The following RBFOX2 variants were observed in gnomAD, a reference collection of about 807,000 sequenced individuals.
RBFOX2 encodes the protein RNA binding protein fox-1 homolog 2.
RBFOX2 carries 10 observed loss-of-function variants against 49.1 expected under a neutral mutation model. The observed-to-expected ratio is 0.20, with a 90% CI of 0.13 to 0.35. The LOEUF (loss-of-function observed/expected upper bound fraction) is 0.35. RBFOX2 is among the 10% of genes least tolerant of loss of function. RBFOX2 has a pLI of 1.00. For synonymous variants in RBFOX2, 183 were observed against 187.4 expected, an observed-to-expected ratio of 0.98 and a Z score of 0.19; for missense variants, 323 against 486.9, an observed-to-expected ratio of 0.66 and a Z score of 3.17.
Position 35,779,181 on chromosome 22 carries a change from G to A in RBFOX2, c.400-1103C>T, listed in dbSNP as rs558335249. Among the ~76,000 whole-genome samples, 6 of 152,288 alleles carry A rather than the reference G, an allele frequency of 3.9e-5. No homozygotes were observed. The East Asian group carries it at 7.7e-4, about 20-fold the overall frequency. On this transcript the variant is annotated intron_variant, in intron 3 of 11. Transcript: ENST00000405409. ...TTACACAAAACACAATGATTATTTA[G>A]GGGGAAAGTATATATAAAAAGAGAC...
rs568679070 is a variant in RBFOX2 at position 35,815,644 on chromosome 22, C to T, written c.28-5640G>A. Among the ~76,000 whole-genome samples, 6 of 152,270 alleles carry T rather than the reference C, an allele frequency of 3.9e-5. No homozygotes were observed. The South Asian group carries it at 1.2e-3, about 32-fold the overall frequency. ...GGTCAGAATGGATCATGCACACAAA[C>T]AGATCAATATTAATTTTATTCACAC... On this transcript the variant is annotated intron_variant, in intron 1 of 11. Transcript: ENST00000405409.
At chr22:35,878,039 T>C (rs1039780068) in intron 1 of RBFOX2, among the ~76,000 whole-genome samples, 47 of 141,256 alleles carry the variant, frequency 3.3e-4, no homozygotes, top group South Asian at 1.7e-3. Context: ...CTACTACTAC[T>C]ACACACACAC....
In RBFOX2 at chr22:35,768,117, TGAA is replaced by T. The variant is rs770703386; in HGVS notation, c.546+137_546+139del. 297 of 839,902 alleles carry T rather than the reference TGAA, an allele frequency of 3.5e-4. 1 individual carries two copies. The highest frequency in any genetic ancestry group is 5.0e-4 in the Non-Finnish European group (268 of 537,854). 52.0% of individuals were successfully genotyped at this position (839,902 alleles called of 1,614,324 possible). On this transcript the variant is annotated intron_variant, in intron 5 of 11. Transcript: ENST00000405409. ...TTTTATACATTTTAGTGCAAGAAGG[TGAA>T]GAAGACAGAGATACAAACACACATA...
At chr22:35,932,771 C>G (rs1431347325) in intron 1 of RBFOX2, among the ~76,000 whole-genome samples, 2 of 152,194 alleles carry the variant, frequency 1.3e-5, no homozygotes, top group Non-Finnish European at 2.9e-5. Context: ...ATCCCAGCTA[C>G]TCAGGAGGCT....
At chr22:35,970,624 G>A (rs1381949185) in intron 1 of RBFOX2, among the ~76,000 whole-genome samples, 1 of 152,024 alleles carries the variant, frequency 6.6e-6, no homozygotes, top group Non-Finnish European at 1.5e-5. Flanking sequence ...TTGCACCACT[G>A]TACTCCAGCC....
At chr22:35,851,966 C>A (rs1372282469) in intron 1 of RBFOX2, among the ~76,000 whole-genome samples, 2 of 151,952 alleles carry the variant, frequency 1.3e-5, no homozygotes, top group African/African-American at 4.8e-5. Flanking sequence ...CTTTGCCATA[C>A]CTTAAGGGAT....
chr22:35,957,531 A>G (rs187039345), intron 1 of RBFOX2, among the ~76,000 whole-genome samples: 444 of 152,306 alleles, frequency 2.9e-3, no homozygotes, highest in African/African-American at 0.01. Context: ...TGTCTTTCTC[A>G]AGGTTACAGA....
chr22:35,853,658 CGTGTGTGTGTGTGTGTGTGTGTGTGTGT>C (rs36048607), intron 1 of RBFOX2, among the ~76,000 whole-genome samples: 54 of 141,140 alleles, frequency 3.8e-4, no homozygotes, highest in African/African-American at 1.3e-3. Flanking sequence ...TATATACACA[CGTGTGTGTGTGTGTGTGTGTGTGTGTGT>C]GTGTGTGTGT....
intron 1 of RBFOX2, among the ~76,000 whole-genome samples, chr22:35,893,456 C>G (rs1469554775): frequency 2.0e-5 from 3 of 152,168 alleles, no homozygotes; most frequent in African/African-American, 7.2e-5. Context: ...TTTCATAACT[C>G]CTCTTCCAAA....
intron 1 of RBFOX2, among the ~76,000 whole-genome samples, chr22:36,015,557 A>G (rs988523962): frequency 6.6e-6 from 1 of 152,230 alleles, no homozygotes; most frequent in Non-Finnish European, 1.5e-5. Context: ...ACCACAAAAC[A>G]TCTTTCAATT....
intron 1 of RBFOX2, among the ~76,000 whole-genome samples, chr22:35,877,060 G>A (rs749842585): frequency 1.3e-5 from 2 of 152,140 alleles, no homozygotes; most frequent in Non-Finnish European, 2.9e-5. Flanking sequence ...AGTCACTGGT[G>A]CAACTTTTTA....
intron 1 of RBFOX2, among the ~76,000 whole-genome samples, chr22:35,989,390 G>C (rs548293497): frequency 1.3e-5 from 2 of 152,284 alleles, no homozygotes; most frequent in East Asian, 3.9e-4. Flanking sequence ...GAAGCCAGGG[G>C]AAGAGCGGCA....
At chr22:35,781,521 T>A (rs1043138133) in intron 3 of RBFOX2, 79 bp downstream of exon 4, 27 of 1,499,694 alleles carry the variant, frequency 1.8e-5, no homozygotes, top group Middle Eastern at 3.5e-4. Context: ...AATCCTAAAG[T>A]AATAATGACT....
At chr22:35,960,007 T>C (rs1285847318) in intron 1 of RBFOX2, among the ~76,000 whole-genome samples, 1 of 152,216 alleles carries the variant, frequency 6.6e-6, no homozygotes, top group East Asian at 1.9e-4. Context: ...ATTATTTTTA[T>C]TGTTGCATTG....
intron 1 of RBFOX2, among the ~76,000 whole-genome samples, chr22:35,969,674 G>C (rs2056763162): frequency 6.6e-6 from 1 of 152,174 alleles, no homozygotes; most frequent in Non-Finnish European, 1.5e-5. Flanking sequence ...TTATATATCA[G>C]AGGCAGGAAG....
intron 1 of RBFOX2, among the ~76,000 whole-genome samples, chr22:35,875,100 G>A (rs2044853920): frequency 6.6e-6 from 1 of 152,154 alleles, no homozygotes; most frequent in South Asian, 2.1e-4. Context: ...GCTTCAGAAT[G>A]AAATCTGCCT....
chr22:35,830,685 A>G (rs1459675649), intron 1 of RBFOX2, among the ~76,000 whole-genome samples: 1 of 152,238 alleles, frequency 6.6e-6, no homozygotes, highest in African/African-American at 2.4e-5. Context: ...AATATAGAAA[A>G]GGGACAGTAA....
intron 1 of RBFOX2, among the ~76,000 whole-genome samples, chr22:36,017,259 G>A (rs1025237852): frequency 3.3e-5 from 5 of 152,130 alleles, no homozygotes; most frequent in Non-Finnish European, 7.3e-5. Context: ...TGCCGGGCAC[G>A]TGGCTCATGC....
In RBFOX2 at chr22:35,749,991, G is replaced by A. The variant is rs1934289387; in HGVS notation, c.888-3430C>T. 6.6e-6 allele frequency among the ~76,000 whole-genome samples: 1 copy of A among 152,108 alleles called. No homozygotes were observed. Among genetic ancestry groups the A allele is most frequent in the African/African-American group, 2.4e-5 (1 of 41,404 alleles). On this transcript the variant is annotated intron_variant, in intron 9 of 11. Coordinates refer to ENST00000405409, the Ensembl canonical transcript of RBFOX2. The surrounding 1 kb of genome is among the most constrained non-coding windows in gnomAD (Gnocchi z 4.1). ...TTGCCCTAGGCTCTACCACAAGCTC[G>A]GTGAAGTACACAGCCTCAATTACTA...
Sources: allele counts gnomAD v4.1 joint callset (sites outside exome capture counted in the v4.1 genomes callset), GRCh38; gene constraint gnomAD v4.1.1; non-coding constraint Gnocchi (gnomAD v3.1); transcripts MANE v1.5; gene names NCBI Gene and HGNC (gene_info 2026-07-23, HGNC 2026-07-21).